The following ERC2 variants were observed in gnomAD, a reference collection of about 807,000 sequenced individuals.
The protein encoded by ERC2 is ELKS/RAB6-interacting/CAST family member 2.
Under a neutral mutation model 114.8 loss-of-function variants are expected in ERC2, and 42 were observed. The ratio of observed to expected loss-of-function variants is 0.37; its 90% CI spans 0.29 to 0.47. The LOEUF is 0.47. Ranked by LOEUF, ERC2 falls within the 20% of genes least tolerant of loss-of-function variation. The pLI is 0.99. For synonymous variants in ERC2, 454 were observed against 425.5 expected (o/e 1.07, Z -0.82); for missense variants, 939 against 1,150.7 (o/e 0.82, Z 2.66).
chr3:56,440,095 T>G (rs1160254265), intron 1 of ERC2, among the ~76,000 whole-genome samples: 2 of 152,184 alleles, frequency 1.3e-5, no homozygotes, highest in African/African-American at 4.8e-5. Flanking sequence ...TTAAACCAAC[T>G]AATAGATTAT....
At chr3:56,311,609 T>C (rs1175084141) in intron 2 of ERC2, among the ~76,000 whole-genome samples, 1 of 152,096 alleles carries the variant, frequency 6.6e-6, no homozygotes, top group Admixed American at 6.6e-5. Flanking sequence ...AATATTTTTT[T>C]CTTTATGCTA....
Position 56,208,116 on chromosome 3 carries a change from T to C in ERC2, c.1075-34596A>G, listed in dbSNP as rs568529179. 2.0e-5 allele frequency among the ~76,000 whole-genome samples: 3 copies of C among 152,302 alleles called. No individual in the cohort carries two copies. In the East Asian group the frequency reaches 5.8e-4, roughly 29 times the overall value. On this transcript the variant is annotated intron_variant, in intron 3 of 17. Coordinates refer to ENST00000288221, the MANE Select transcript of ERC2 (RefSeq NM_015576.3). ...TGAAGAATTTATCAGATCCAGACAA[T>C]GTGGGAATAAACTGACGCATCTTCA...
intron 1 of ERC2, among the ~76,000 whole-genome samples, chr3:56,454,811 A>C (rs375894774): frequency 2.3e-4 from 33 of 144,290 alleles, no homozygotes; most frequent in African/African-American, 5.2e-4. Flanking sequence ...GCGAGCCAAG[A>C]CTCTGTCACT....
intron 2 of ERC2, among the ~76,000 whole-genome samples, chr3:56,401,599 T>C (rs2060522249): frequency 6.6e-6 from 1 of 152,214 alleles, no homozygotes; most frequent in Non-Finnish European, 1.5e-5. Context: ...TGCAGGTATA[T>C]ATATCTACAT....
intron 7 of ERC2, among the ~76,000 whole-genome samples, chr3:56,035,382 T>C (rs557341343): frequency 6.6e-6 from 1 of 152,326 alleles, no homozygotes; most frequent in East Asian, 1.9e-4. Context: ...AGGTGAATTC[T>C]ACCAAACGTT....
intron 17 of ERC2, among the ~76,000 whole-genome samples, chr3:55,595,606 A>G (rs2058090946): frequency 6.6e-6 from 1 of 152,250 alleles, no homozygotes. Context: ...CAAATCTGTT[A>G]TGATGAAAGC....
At chr3:55,511,626 T>C (rs552983425) in intron 17 of ERC2, among the ~76,000 whole-genome samples, 1 of 152,248 alleles carries the variant, frequency 6.6e-6, no homozygotes, top group African/African-American at 2.4e-5. Context: ...ATGTCAACTT[T>C]TATTCTCTCT....
At chr3:56,267,080 G>A (rs944603365) in intron 3 of ERC2, among the ~76,000 whole-genome samples, 2 of 151,968 alleles carry the variant, frequency 1.3e-5, no homozygotes, top group African/African-American at 4.8e-5. Flanking sequence ...TTTTTTTCAG[G>A]TTTTGGAATA....
intron 2 of ERC2, among the ~76,000 whole-genome samples, chr3:56,374,593 G>A (rs957723780): frequency 4.6e-5 from 7 of 152,094 alleles, no homozygotes; most frequent in South Asian, 4.1e-4. Flanking sequence ...AGAAAACTGA[G>A]CCTAAGAGAG....
intron 13 of ERC2, among the ~76,000 whole-genome samples, chr3:55,898,519 C>A (rs1329599877): frequency 6.6e-6 from 1 of 152,084 alleles, no homozygotes; most frequent in African/African-American, 2.4e-5. Context: ...CGTCAGCTTC[C>A]TCTTCTACAA....
At chr3:55,799,488 C>A (rs1204941791) in intron 14 of ERC2, among the ~76,000 whole-genome samples, 3 of 90,536 alleles carry the variant, frequency 3.3e-5, no homozygotes, top group Non-Finnish European at 4.5e-5. Context: ...TTATCTATCA[C>A]ACGGCATCCT....
chr3:56,179,085 A>T (rs1405761775), intron 3 of ERC2, among the ~76,000 whole-genome samples: 2 of 151,988 alleles, frequency 1.3e-5, no homozygotes, highest in Non-Finnish European at 2.9e-5. Context: ...TCACAAAAAA[A>T]CTCATAATGT....
At chr3:55,660,554 A>G (rs1156271961) in intron 17 of ERC2, among the ~76,000 whole-genome samples, 1 of 150,064 alleles carries the variant, frequency 6.7e-6, no homozygotes, top group Admixed American at 6.7e-5. Context: ...CTAGTGGTGT[A>G]GTATTCCAAG....
chr3:55,529,349 C>T (rs750745075), intron 17 of ERC2, among the ~76,000 whole-genome samples: 2 of 152,148 alleles, frequency 1.3e-5, no homozygotes, highest in Non-Finnish European at 2.9e-5. Context: ...GCACAGTTCA[C>T]GTTTTGACTC....
At chr3:55,542,739 A>G (rs2054482429) in intron 17 of ERC2, among the ~76,000 whole-genome samples, 3 of 152,150 alleles carry the variant, frequency 2.0e-5, no homozygotes, top group Non-Finnish European at 4.4e-5. Context: ...TTTTTCATCC[A>G]AATTTTTGTC....
At chr3:55,994,370 T>C (rs2071321304) in intron 10 of ERC2, among the ~76,000 whole-genome samples, 1 of 152,102 alleles carries the variant, frequency 6.6e-6, no homozygotes, top group Non-Finnish European at 1.5e-5. Context: ...TTTTTCTTAT[T>C]ATTATAGTCC....
At chr3:56,296,744 A>G (rs905412027) in intron 2 of ERC2, among the ~76,000 whole-genome samples, 2 of 152,166 alleles carry the variant, frequency 1.3e-5, no homozygotes, top group Non-Finnish European at 2.9e-5. Context: ...GGAAATGGAA[A>G]AGGTTAGAAG....
At chr3:55,615,761 A>G (rs989112919) in intron 17 of ERC2, among the ~76,000 whole-genome samples, 1 of 152,212 alleles carries the variant, frequency 6.6e-6, no homozygotes, top group Non-Finnish European at 1.5e-5. Flanking sequence ...TTAAGTTTCC[A>G]TGTCTTTACG....
At chr3:55,927,493 G>C (rs1241076128) in intron 13 of ERC2, among the ~76,000 whole-genome samples, 1 of 151,940 alleles carries the variant, frequency 6.6e-6, no homozygotes. Context: ...ATATATTTAT[G>C]GGGTATATGA....
Sources: gnomAD v4.1 joint callset for allele counts (sites outside exome capture counted in the v4.1 genomes callset) on GRCh38, gnomAD v4.1.1 for gene constraint, MANE v1.5 for transcripts, NCBI Gene and HGNC (gene_info 2026-07-23, HGNC 2026-07-21) for gene names.